Variants in UNC13C observed in about 807,000 individuals in gnomAD.
UNC13C encodes the protein unc-13 homolog C.
UNC13C carries 174 observed loss-of-function variants against 245.4 expected under a neutral mutation model. That is an observed-to-expected ratio of 0.71 (90% confidence interval 0.63 to 0.80). UNC13C has a LOEUF of 0.80. Among genes scored for constraint, UNC13C ranks in the 30% least tolerant of loss-of-function variants. UNC13C has a pLI of 0.00. For synonymous variants in UNC13C, 992 were observed against 895.1 expected, an observed-to-expected ratio of 1.11 and a Z score of -1.93; for missense variants, 2,829 against 2,602.9, an observed-to-expected ratio of 1.09 and a Z score of -1.89.
At chr15:54,569,063 C>G (rs1223729551) in intron 30 of UNC13C, among the ~76,000 whole-genome samples, 1 of 152,026 alleles carries the variant, frequency 6.6e-6, no homozygotes, top group Non-Finnish European at 1.5e-5. Flanking sequence ...TGCTCATGCT[C>G]CCTCAAGGTT....
chr15:54,117,517 T>C (rs2030339350), intron 2 of UNC13C, among the ~76,000 whole-genome samples: 1 of 139,512 alleles, frequency 7.2e-6, no homozygotes, highest in South Asian at 2.4e-4. Flanking sequence ...CTCAGAACTA[T>C]TATGTTTCTC....
chr15:54,577,699 C>T (rs1192739325), intron 30 of UNC13C, among the ~76,000 whole-genome samples: 2 of 152,128 alleles, frequency 1.3e-5, no homozygotes, highest in Non-Finnish European at 2.9e-5. Flanking sequence ...CATGGTTTAC[C>T]GATGAGGGCA....
At chr15:53,923,028 G>T in the UNC13C span, among the ~76,000 whole-genome samples, 1 of 152,126 alleles carries the variant, frequency 6.6e-6, no homozygotes, top group Non-Finnish European at 1.5e-5. Flanking sequence ...TCAGTCTCAG[G>T]TTTGTAGAGA....
At chr15:53,949,576 G>C in the UNC13C span, among the ~76,000 whole-genome samples, 1 of 152,164 alleles carries the variant, frequency 6.6e-6, no homozygotes, top group Non-Finnish European at 1.5e-5. Context: ...GTTAATTGCA[G>C]TGTGTTAATC....
chr15:54,488,720 T>C (rs1893551951), intron 19 of UNC13C, among the ~76,000 whole-genome samples: 1 of 152,184 alleles, frequency 6.6e-6, no homozygotes, highest in Non-Finnish European at 1.5e-5. Context: ...CTTTTCCTTG[T>C]ACAGTTTTAA....
chr15:54,377,991 A>C (rs1056085251), intron 17 of UNC13C, among the ~76,000 whole-genome samples: 1 of 152,174 alleles, frequency 6.6e-6, no homozygotes, highest in African/African-American at 2.4e-5. Context: ...GTCAATTTTT[A>C]GATACAGTAT....
intron 4 of UNC13C, among the ~76,000 whole-genome samples, chr15:54,191,813 CT>C (rs879914034): frequency 8.6e-5 from 13 of 151,868 alleles, no homozygotes; most frequent in Non-Finnish European, 1.8e-4. Flanking sequence ...TGGTGATGAG[CT>C]TTTTTTTCAT....
chr15:53,909,122 G>T, the UNC13C span, among the ~76,000 whole-genome samples: 1 of 146,460 alleles, frequency 6.8e-6, no homozygotes, highest in South Asian at 2.3e-4. Context: ...AGACTACCAA[G>T]ACCCACTTCC....
chr15:54,147,096 T>G (rs1301684262), intron 4 of UNC13C, among the ~76,000 whole-genome samples: 1 of 152,150 alleles, frequency 6.6e-6, no homozygotes, highest in African/African-American at 2.4e-5. Flanking sequence ...ACCCGGTGAA[T>G]GACACACTGG....
At chr15:54,175,643 G>GC (rs1044927894) in intron 4 of UNC13C, among the ~76,000 whole-genome samples, 1 of 151,676 alleles carries the variant, frequency 6.6e-6, no homozygotes, top group Non-Finnish European at 1.5e-5. Flanking sequence ...CTCCCGAGTA[G>GC]CTGGGACTAC....
intron 22 of UNC13C, 29 bp from the exon 23 acceptor site, chr15:54,507,088 G>A (rs368223895): frequency 4.3e-5 from 63 of 1,474,054 alleles, no homozygotes; most frequent in Non-Finnish European, 5.4e-5. Context: ...TACTTACCTG[G>A]GTAAAGTTCA....
At chr15:54,162,697 C>T (rs2033022792) in intron 4 of UNC13C, among the ~76,000 whole-genome samples, 1 of 152,172 alleles carries the variant, frequency 6.6e-6, no homozygotes, top group Non-Finnish European at 1.5e-5. Flanking sequence ...CCATTGCATA[C>T]AATACAAACT....
At chr15:54,478,276 A>T (rs1596453223) in intron 19 of UNC13C, among the ~76,000 whole-genome samples, 3 of 124,214 alleles carry the variant, frequency 2.4e-5, no homozygotes, top group East Asian at 6.5e-4. Context: ...GGATTCATTA[A>T]TTTTTTGAAG....
At chr15:54,245,572 C>G (rs956085840) in intron 7 of UNC13C, among the ~76,000 whole-genome samples, 11 of 152,060 alleles carry the variant, frequency 7.2e-5, no homozygotes, top group African/African-American at 2.7e-4. Context: ...CTTAGATGAG[C>G]AAATCAGCAC....
intron 2 of UNC13C, among the ~76,000 whole-genome samples, chr15:54,133,991 A>G (rs893951493): frequency 3.3e-5 from 5 of 152,122 alleles, no homozygotes; most frequent in African/African-American, 1.2e-4. Context: ...ATTCATATAC[A>G]TTGTGAAATG....
chr15:54,046,196 T>C (rs1269627196), intron 2 of UNC13C, among the ~76,000 whole-genome samples: 1 of 152,198 alleles, frequency 6.6e-6, no homozygotes, highest in Non-Finnish European at 1.5e-5. Flanking sequence ...TGGTGTCTAA[T>C]AACTTACCAC....
intron 19 of UNC13C, among the ~76,000 whole-genome samples, chr15:54,434,941 A>G (rs1391619902): frequency 2.0e-5 from 3 of 152,190 alleles, no homozygotes; most frequent in African/African-American, 7.2e-5. Context: ...ATATTTCTCA[A>G]AATAAGGCAT....
At chr15:54,286,831 G>C (rs903470042) in intron 10 of UNC13C, among the ~76,000 whole-genome samples, 2 of 151,916 alleles carry the variant, frequency 1.3e-5, no homozygotes, top group African/African-American at 2.4e-5. Flanking sequence ...ATAATACTGA[G>C]GCCAGAAAAG....
At chr15:54,245,834 G>A (rs1182566520) in intron 7 of UNC13C, among the ~76,000 whole-genome samples, 1 of 151,974 alleles carries the variant, frequency 6.6e-6, no homozygotes, top group Admixed American at 6.6e-5. Flanking sequence ...GTATCAAAAT[G>A]TGATATTTGG....
Sources: gnomAD v4.1 joint callset for allele counts (sites outside exome capture counted in the v4.1 genomes callset) on GRCh38, gnomAD v4.1.1 for gene constraint, MANE v1.5 for transcripts, NCBI Gene and HGNC (gene_info 2026-07-23, HGNC 2026-07-21) for gene names.